HOOK1: variants seen among roughly 807,000 people sequenced by gnomAD.
HOOK1 encodes hook microtubule tethering protein 1, also known as protein Hook homolog 1.
In HOOK1, 60 loss-of-function variants were observed where a neutral mutation model predicts 112.8. The ratio of observed to expected loss-of-function variants is 0.53; its 90% confidence interval spans 0.43 to 0.66. HOOK1 has a LOEUF of 0.66. Ranked by LOEUF, HOOK1 falls within the 30% of genes least tolerant of loss-of-function variation. The pLI is 0.00. For missense variants in HOOK1, 770 were observed against 856.0 expected, an observed-to-expected ratio of 0.90 and a Z score of 1.25; for synonymous variants, 294 against 283.8, an observed-to-expected ratio of 1.04 and a Z score of -0.36.
At chr1:59,846,635 T>C (rs1003248839) in intron 9 of HOOK1, among the ~76,000 whole-genome samples, 1 of 137,064 alleles carries the variant, frequency 7.3e-6, no homozygotes, top group African/African-American at 2.7e-5. Flanking sequence ...TCTTTCTTTC[T>C]TTCTAACATA....
chr1:59,843,358 C>T, intron 8 of HOOK1, 74 bp from the exon 9 acceptor site: 2 of 1,073,332 alleles, frequency 1.9e-6, no homozygotes, highest in Non-Finnish European at 1.3e-6. Context: ...ATCCAGAACT[C>T]TAGACTCTAA....
intron 8 of HOOK1, among the ~76,000 whole-genome samples, chr1:59,840,634 C>A (rs754078985): frequency 2.0e-5 from 3 of 151,962 alleles, no homozygotes; most frequent in Non-Finnish European, 2.9e-5. Context: ...TTTAAAATTT[C>A]AATTATTTAG....
intron 10 of HOOK1, 85 bp downstream of exon 10, chr1:59,847,270 A>G: frequency 8.7e-7 from 1 of 1,155,516 alleles, no homozygotes. Context: ...TCAGGGATTC[A>G]TAGGATTATT....
rs558903001 is a variant in HOOK1, at chr1:59,866,408, G to A, written c.1845+436G>A. On this transcript the variant is annotated intron_variant, in intron 19 of 21. Coordinates refer to ENST00000371208, the MANE Select transcript of HOOK1 (RefSeq NM_015888.6). ...GAAATTGTTGTAGCATTTAGTTTGA[G>A]ATTAGATAGTTAAACGCTTTTCAAA... Among the ~76,000 whole-genome samples, 8 of 152,296 alleles carry A rather than the reference G, an allele frequency of 5.3e-5. No homozygotes were observed. In the South Asian group the frequency reaches 1.7e-3, roughly 32 times the overall value.
intron 2 of HOOK1, among the ~76,000 whole-genome samples, chr1:59,823,122 C>T (rs896178781): frequency 1.3e-5 from 2 of 152,202 alleles, no homozygotes; most frequent in Non-Finnish European, 2.9e-5. Flanking sequence ...AGATCGAGAC[C>T]ATCCTGGCTA....
chr1:59,826,343 A>G (rs2098389905), intron 2 of HOOK1, among the ~76,000 whole-genome samples: 1 of 143,196 alleles, frequency 7.0e-6, no homozygotes, highest in African/African-American at 2.6e-5. Context: ...GCGCAAAAGG[A>G]AAAAAAAAAA....
chr1:59,854,039 T>TATATATATATA (rs1491471675), intron 12 of HOOK1, among the ~76,000 whole-genome samples: 5 of 14,098 alleles, frequency 3.5e-4, no homozygotes, highest in Admixed American at 1.1e-3. Context: ...TATATATATA[T>TATATATATATA]TTTTTTTTTT....
intron 10 of HOOK1, among the ~76,000 whole-genome samples, chr1:59,847,756 A>G (rs1035863388): frequency 6.6e-6 from 1 of 151,666 alleles, no homozygotes; most frequent in Non-Finnish European, 1.5e-5. Flanking sequence ...ATTTGAAACA[A>G]AATTTGTGTA....
intron 7 of HOOK1, among the ~76,000 whole-genome samples, chr1:59,839,997 G>C (rs942834592): frequency 6.6e-6 from 1 of 152,116 alleles, no homozygotes; most frequent in African/African-American, 2.4e-5. Context: ...TACATTTATT[G>C]ATTTGTGTAT....
intron 19 of HOOK1, among the ~76,000 whole-genome samples, chr1:59,866,802 A>G (rs529996135): frequency 4.9e-4 from 74 of 152,328 alleles, no homozygotes; most frequent in Non-Finnish European, 8.2e-4. Flanking sequence ...AGTTTACTTA[A>G]GCATTATCCT....
rs1299546968 is a variant in HOOK1 at position 59,854,801 on chromosome 1, G to A, written c.1243-3627G>A. ...TTTTAGTTTATTGTACTTTGAATTT[G>A]TTGAATTTCTTAGAACTGTAGATTG... is the stretch of plus-strand genomic sequence containing the variant. On this transcript the variant is annotated intron_variant, in intron 12 of 21. Coordinates refer to ENST00000371208, the MANE Select transcript of HOOK1 (RefSeq NM_015888.6). 3.3e-5 allele frequency among the ~76,000 whole-genome samples: 5 copies of A among 152,084 alleles called. No individual in the cohort carries two copies. In the East Asian group the frequency reaches 9.6e-4, roughly 29 times the overall value.
At chr1:59,821,473 T>C (rs2102003674) in intron 1 of HOOK1, among the ~76,000 whole-genome samples, 1 of 152,336 alleles carries the variant, frequency 6.6e-6, no homozygotes, top group South Asian at 2.1e-4. Context: ...TCAAATGATA[T>C]GAGTGAAATT....
intron 10 of HOOK1, among the ~76,000 whole-genome samples, chr1:59,847,942 A>G (rs17119786): frequency 0.075 from 11,376 of 151,764 alleles, 424 homozygotes; most frequent in African/African-American, 0.11. Context: ...GAAGGAAACT[A>G]TGCTGAATGT....
At chr1:59,872,257 T>A (rs971174023) in intron 21 of HOOK1, among the ~76,000 whole-genome samples, 2 of 152,244 alleles carry the variant, frequency 1.3e-5, no homozygotes, top group African/African-American at 2.4e-5. Flanking sequence ...TGAGATAGAC[T>A]ATAGTAAATT....
intron 12 of HOOK1, among the ~76,000 whole-genome samples, chr1:59,851,060 T>C (rs1292588599): frequency 2.0e-5 from 3 of 151,524 alleles, no homozygotes; most frequent in African/African-American, 7.2e-5. Flanking sequence ...CACTCATATA[T>C]TGATTATTGA....
chr1:59,840,843 A>AT (rs2098400681), intron 8 of HOOK1, among the ~76,000 whole-genome samples: 1 of 152,152 alleles, frequency 6.6e-6, no homozygotes, highest in Non-Finnish European at 1.5e-5. Flanking sequence ...GTATGTATAT[A>AT]TAAACGTGTG....
Position 59,874,926 on chromosome 1 carries a change from T to G in HOOK1, c.*1961T>G, listed in dbSNP as rs958642252. ...GTTGTTCTATCAGGGTTACTTCTGT[T>G]GACTACCTCTTAGATTTTGATACAG... On this transcript the variant is annotated 3_prime_UTR_variant, in exon 22 of 22. Transcript: ENST00000371208. The G allele has an allele frequency of 6.6e-6, 1 of 152,626 alleles. No homozygotes were observed. Among genetic ancestry groups the G allele is most frequent in the Non-Finnish European group, 1.5e-5 (1 of 68,002 alleles). The allele number at this position is 152,626 out of a possible 1,614,324, so 9.5% of individuals were successfully genotyped here.
intron 10 of HOOK1, 105 bp downstream of exon 10, chr1:59,847,290 C>T (rs2098404574): frequency 1.0e-6 from 1 of 980,936 alleles, no homozygotes; most frequent in Non-Finnish European, 1.5e-6. Flanking sequence ...TCCTGTATAT[C>T]AAGTATTGAT....
rs374652880 is a variant in HOOK1, at chr1:59,832,257, G to A, written c.273+44G>A. On this transcript the variant is annotated intron_variant, in intron 4 of 21. Transcript: ENST00000371208. ...TTTGTTTAAATGCATCATGCTATAC[G>A]AAAATTACTTTAAGACTGAAAAATC... 100 of 1,169,618 alleles carry A rather than the reference G, an allele frequency of 8.5e-5. No homozygotes were observed. The Admixed American group carries it at 1.1e-3, about 13-fold the overall frequency. The allele number at this position is 1,169,618 out of a possible 1,614,324, so 72.5% of individuals were successfully genotyped here.
Sources: allele counts gnomAD v4.1 joint callset (sites outside exome capture counted in the v4.1 genomes callset), GRCh38; gene constraint gnomAD v4.1.1; transcripts MANE v1.5; gene names NCBI Gene and HGNC (gene_info 2026-07-23, HGNC 2026-07-21).